The following LEPR variants were observed in gnomAD, a reference collection of about 807,000 sequenced individuals.
The protein encoded by LEPR is leptin receptor.
In LEPR, 56 loss-of-function variants were observed where a neutral mutation model predicts 114.7. That is an observed-to-expected ratio of 0.49 (90% confidence interval 0.39 to 0.61). The LOEUF (loss-of-function observed/expected upper bound fraction) is 0.61, where lower values mean the gene tolerates loss of function less well. LEPR is among the 20% of genes least tolerant of loss of function. The pLI is 0.00. For synonymous variants in LEPR, 443 were observed against 461.4 expected (o/e 0.96, Z 0.51); for missense variants, 1,202 against 1,352.9 (o/e 0.89, Z 1.75).
chr1:65,533,525 G>A (rs1390789653), intron 2 of LEPR, among the ~76,000 whole-genome samples: 1 of 151,838 alleles, frequency 6.6e-6, no homozygotes, highest in Admixed American at 6.6e-5. Context: ...GATTTTTTCT[G>A]TTCTAACTGC....
chr1:65,604,938 G>T (rs1372571401), intron 10 of LEPR, 100 bp from the exon 11 acceptor site: 10 of 1,459,624 alleles, frequency 6.9e-6, no homozygotes, highest in Non-Finnish European at 9.3e-6. Context: ...TGCCAAAAAG[G>T]TTGGGGACTG....
intron 19 of LEPR, 92 bp from the exon 20 acceptor site, chr1:65,636,099 T>TTAAC: frequency 7.1e-7 from 1 of 1,410,464 alleles, no homozygotes; most frequent in Non-Finnish European, 9.9e-7. Context: ...TTCTTTATTA[T>TTAAC]TAACTTAACA....
Position 65,570,602 on chromosome 1 carries a change from C to T in LEPR, c.170C>T (p.Thr57Ile). The T allele has an allele frequency of 1.2e-6, 2 of 1,614,008 alleles. No homozygotes were observed. The highest frequency in any genetic ancestry group is 1.3e-5 in the African/African-American group (1 of 75,046). ...TTGCCTGCTGGACTCTCAAAGAATA[C>T]TTCAAATTCGAATGGACATTATGAG... ...FLLPAGLSKN[T>I]SNSNGHYETA... The change falls in exon 4 of 20, where the codon ACT becomes ATT. Residue 57 changes from threonine (T) to isoleucine (I), a missense_variant. Physicochemically the swap from Thr to Ile is moderately conservative, Grantham distance 89 (BLOSUM62 -1). Coordinates refer to ENST00000349533, the MANE Select transcript of LEPR (RefSeq NM_002303.6).
chr1:65,552,612 G>GCTTT (rs1652482743), intron 2 of LEPR, among the ~76,000 whole-genome samples: 1 of 152,006 alleles, frequency 6.6e-6, no homozygotes, highest in Non-Finnish European at 1.5e-5. Flanking sequence ...CACATGCAAA[G>GCTTT]GCATGTGAGA....
chr1:65,435,460 C>T (rs1284675777), intron 2 of LEPR: 7 of 482,176 alleles, frequency 1.5e-5, no homozygotes, highest in East Asian at 1.5e-4. Flanking sequence ...CTCCGCCTCC[C>T]GGGTTCACGC....
chr1:65,616,245 G>A, intron 15 of LEPR, 21 bp downstream of exon 15: 1 of 1,607,842 alleles, frequency 6.2e-7, no homozygotes, highest in Non-Finnish European at 8.5e-7. Flanking sequence ...GTACAGAGTG[G>A]TAATCCATTG....
At chr1:65,496,850 T>C (rs1648186569) in intron 2 of LEPR, among the ~76,000 whole-genome samples, 1 of 152,118 alleles carries the variant, frequency 6.6e-6, no homozygotes. Context: ...GCAGCATCCA[T>C]ACAACCTGGG....
chr1:65,556,145 C>T (rs1314731609), intron 2 of LEPR, among the ~76,000 whole-genome samples: 1 of 152,174 alleles, frequency 6.6e-6, no homozygotes, highest in Non-Finnish European at 1.5e-5. Context: ...TTCACCCCTT[C>T]TGCCATGTGA....
Position 65,618,150 on chromosome 1 carries a change from A to T in LEPR, c.2395+4A>T. 1 of 1,600,358 alleles carries T rather than the reference A, an allele frequency of 6.2e-7. No individual in the cohort carries two copies. The highest frequency in any genetic ancestry group is 8.5e-7 in the Non-Finnish European group (1 of 1,172,432). ...GTTAAGAAGTATTATATCCATGGTA[A>T]GTTTACTATACTTTAGTAAGTTGCT... is the stretch of plus-strand genomic sequence containing the variant. On this transcript the variant is annotated splice_donor_region_variant and intron_variant, in intron 16 of 19. Coordinates refer to ENST00000349533, the MANE Select transcript of LEPR (RefSeq NM_002303.6).
chr1:65,581,199 A>G (rs929149507), intron 5 of LEPR, among the ~76,000 whole-genome samples: 2 of 152,148 alleles, frequency 1.3e-5, no homozygotes, highest in African/African-American at 4.8e-5. Flanking sequence ...ACCAATAAGC[A>G]TGCTTTTTCT....
chr1:65,421,712 G>C (rs1646254797), intron 1 of LEPR, among the ~76,000 whole-genome samples: 1 of 152,174 alleles, frequency 6.6e-6, no homozygotes, highest in Admixed American at 6.5e-5. Context: ...TAGTAAACAT[G>C]GTTTACTTGG....
At chr1:65,521,522 C>G (rs11587159) in intron 2 of LEPR, among the ~76,000 whole-genome samples, 49,130 of 152,126 alleles carry the variant, frequency 0.32, 10,180 homozygotes, top group Non-Finnish European at 0.46. Flanking sequence ...AAGACTGTCA[C>G]GGTGTCTTCT....
chr1:65,579,790 G>A (rs1654855654), intron 5 of LEPR, among the ~76,000 whole-genome samples: 1 of 151,976 alleles, frequency 6.6e-6, no homozygotes. Flanking sequence ...GTATTTTTCT[G>A]AAAAAGATAA....
At chr1:65,588,856 T>C (rs1039270566) in intron 5 of LEPR, among the ~76,000 whole-genome samples, 1 of 152,138 alleles carries the variant, frequency 6.6e-6, no homozygotes, top group Non-Finnish European at 1.5e-5. Flanking sequence ...AAATTGTTTA[T>C]AGTTTTTGAC....
intron 2 of LEPR, among the ~76,000 whole-genome samples, chr1:65,474,868 G>A (rs930958915): frequency 4.6e-5 from 7 of 151,826 alleles, no homozygotes; most frequent in Non-Finnish European, 8.8e-5. Context: ...TTAGACAGGC[G>A]TAGTGGCGTG....
At chr1:65,621,241 GTAA>G (rs1009867569) in intron 17 of LEPR, 109 bp from the exon 18 acceptor site, 23 of 815,450 alleles carry the variant, frequency 2.8e-5, no homozygotes, top group African/African-American at 1.9e-4. Context: ...ATTTTTGAAG[GTAA>G]TAAGAGATTT....
chr1:65,541,402 T>C (rs536665282), intron 2 of LEPR, among the ~76,000 whole-genome samples: 31 of 152,284 alleles, frequency 2.0e-4, no homozygotes, highest in African/African-American at 7.2e-4. Context: ...CTTATCCTTA[T>C]GCATTTTTTA....
intron 2 of LEPR, among the ~76,000 whole-genome samples, chr1:65,531,666 C>T (rs1416718652): frequency 6.6e-6 from 1 of 151,990 alleles, no homozygotes; most frequent in African/African-American, 2.4e-5. Flanking sequence ...TGATTGAATG[C>T]TATTGTTTGT....
At chr1:65,610,962 G>A (rs1179138115) in intron 14 of LEPR, among the ~76,000 whole-genome samples, 1 of 152,146 alleles carries the variant, frequency 6.6e-6, no homozygotes, top group Non-Finnish European at 1.5e-5. Flanking sequence ...GTTTGAAAAT[G>A]GTTTCCTGAT....
Sources: gnomAD v4.1 joint callset for allele counts (sites outside exome capture counted in the v4.1 genomes callset) on GRCh38, gnomAD v4.1.1 for gene constraint, MANE v1.5 for transcripts, NCBI Gene and HGNC (gene_info 2026-07-23, HGNC 2026-07-21) for gene names.